SH2B1: variants seen among roughly 807,000 people sequenced by gnomAD.
SH2B1 encodes the protein SH2B adapter protein 1.
SH2B1 carries 15 observed loss-of-function variants against 62.6 expected under a neutral mutation model. That is an observed-to-expected ratio of 0.24 (90% CI 0.16 to 0.37). The LOEUF is 0.37. Among genes scored for constraint, SH2B1 ranks in the 10% least tolerant of loss-of-function variants. SH2B1 has a pLI of 1.00. For missense variants in SH2B1, 925 were observed against 1,015.6 expected (o/e 0.91, Z 1.21); for synonymous variants, 443 against 438.0 (o/e 1.01, Z -0.14).
Position 28,867,394 on chromosome 16 carries a change from C to T in SH2B1, c.1003C>T (p.Leu335=). The T allele has an allele frequency of 6.2e-7, 1 of 1,614,198 alleles. No homozygotes were observed. Among genetic ancestry groups the T allele is most frequent in the South Asian group, 1.1e-5 (1 of 91,088 alleles). ...CACAGACGTCCGGACAACCACAGCC[C>T]TGGAGATGCCTGACCGGGAGAACAC... ...SITDVRTTTA[L]EMPDRENTFV... is the part of the protein sequence containing the mutation. Residue 335 remains leucine (L), a synonymous_variant, in exon 2 of 8, where the codon CTG becomes TTG. Transcript: ENST00000684370.
chr16:28,847,439 C>T (rs908259673), intron 1 of SH2B1, among the ~76,000 whole-genome samples: 1 of 152,116 alleles, frequency 6.6e-6, no homozygotes, highest in Non-Finnish European at 1.5e-5. Context: ...CAAATAGATT[C>T]CCTAATTCCT....
chr16:28,852,458 A>T (rs1342244450), intron 1 of SH2B1, among the ~76,000 whole-genome samples: 1 of 95,258 alleles, frequency 1.0e-5, no homozygotes, highest in Non-Finnish European at 1.8e-5. Flanking sequence ...TTACATATAT[A>T]TTTATATATA....
At chr16:28,863,418 T>C (rs1212661403), upstream of SH2B1, 1 of 429,130 alleles carries the variant, frequency 2.3e-6, no homozygotes, top group East Asian at 4.2e-5. Context: ...AGCTCCTTGG[T>C]GGCGTTGTCC....
Position 28,873,399 on chromosome 16 carries a change from G to T in SH2B1, c.1898-48G>T, listed in dbSNP as rs1294548956. Reference sequence around the variant, plus strand: ...GAGTGAAGGGGAGGCCACGGCAGGAGCTCACCTGCCTCCACAATCAGTCTG... The same window carrying T: ...GAGTGAAGGGGAGGCCACGGCAGGATCTCACCTGCCTCCACAATCAGTCTG... On this transcript the variant is annotated intron_variant, in intron 7 of 7. Coordinates refer to ENST00000684370, the MANE Select transcript of SH2B1 (RefSeq NM_001387430.1). This position sits in a 1 kb window ranked among gnomAD's most constrained non-coding sequence, Gnocchi z 4.2. 6.3e-7 allele frequency: 1 copy of T among 1,580,288 alleles called. No homozygotes were observed. The highest frequency in any genetic ancestry group is 8.5e-7 in the Non-Finnish European group (1 of 1,173,246).
At position 28,873,708 on chromosome 16, in the gene SH2B1, G is replaced by A. The variant is rs1469204690; in HGVS notation, c.2159G>A (p.Gly720Asp). 1 of 1,505,844 alleles carries A rather than the reference G, an allele frequency of 6.6e-7. No individual in the cohort carries two copies. Among genetic ancestry groups the A allele is most frequent in the Non-Finnish European group, 8.9e-7 (1 of 1,125,330 alleles). The allele number at this position is 1,505,844 out of a possible 1,614,324, so 93.3% of individuals were successfully genotyped here. A position where few individuals can be genotyped will look rare whatever the true frequency, so the allele number is the denominator to read the frequency against. Reference sequence around the variant, plus strand: ...TCAGAGGCCCAGGGCGCTGGGTCTGGTGGGGACGCGGGGGTGCCCCCAATG... The same window carrying A: ...TCAGAGGCCCAGGGCGCTGGGTCTGATGGGGACGCGGGGGTGCCCCCAATG... ...PGSEAQGAGS[G>D]GDAGVPPMVQ... Residue 720 changes from glycine to aspartate, a missense_variant, in exon 8 of 8, where the codon GGT (glycine) becomes GAT (aspartate). By Grantham distance (94) the Gly-to-Asp change is moderately conservative. This residue lies in a region of SH2B1 where 185 missense variants were observed against 189.5 expected (regional missense o/e 0.98). Coordinates refer to ENST00000684370, the MANE Select transcript of SH2B1 (RefSeq NM_001387430.1). This position sits in a 1 kb window ranked among gnomAD's most constrained non-coding sequence, Gnocchi z 4.2.
rs1963196777 is a variant in SH2B1 at position 28,874,042 on chromosome 16, G to A, written c.*222G>A. ...ATTTGGGCTCCATGAGCTCCTTGAG[G>A]GGCTCTTCTGGTCAGCCCCACCCTG... On this transcript the variant is annotated 3_prime_UTR_variant, in exon 8 of 8. Transcript: ENST00000684370. 2 of 406,314 alleles carry A rather than the reference G, an allele frequency of 4.9e-6. No individual in the cohort carries two copies. Among genetic ancestry groups the A allele is most frequent in the South Asian group, 2.5e-4 (2 of 7,904 alleles). The allele number at this position is 406,314 out of a possible 1,614,324, so 25.2% of individuals were successfully genotyped here.
intron 1 of SH2B1, among the ~76,000 whole-genome samples, chr16:28,849,892 C>T (rs1962058819): frequency 2.0e-5 from 3 of 152,112 alleles, no homozygotes; most frequent in Admixed American, 2.0e-4. Context: ...CATTGTACTC[C>T]AGCCTGGGTG....
At chr16:28,853,136 TTATATAAATA>T (rs1340871461) in intron 1 of SH2B1, among the ~76,000 whole-genome samples, 3 of 130,824 alleles carry the variant, frequency 2.3e-5, no homozygotes, top group East Asian at 4.3e-4. Context: ...ATGTATACAT[TTATATAAATA>T]TATATAAATG....
chr16:28,859,413 G>A (rs1962388808), upstream of SH2B1, among the ~76,000 whole-genome samples: 1 of 152,156 alleles, frequency 6.6e-6, no homozygotes, highest in African/African-American at 2.4e-5. Context: ...GATGAAAGCT[G>A]AGCTCATCAG....
At chr16:28,868,592 T>C (rs1196854879) in intron 2 of SH2B1, among the ~76,000 whole-genome samples, 2 of 152,128 alleles carry the variant, frequency 1.3e-5, no homozygotes, top group Non-Finnish European at 2.9e-5. Context: ...CTCGAGTAGC[T>C]GGGACTACAG....
At position 28,863,982 on chromosome 16, in the gene SH2B1, T is replaced by C; in HGVS notation, c.-2113T>C. The C allele has an allele frequency of 7.0e-7, 1 of 1,420,232 alleles. No individual in the cohort carries two copies. Among genetic ancestry groups the C allele is most frequent in the South Asian group, 1.5e-5 (1 of 67,556 alleles). The allele number at this position is 1,420,232 out of a possible 1,614,324, so 88.0% of individuals were successfully genotyped here. A position where few individuals can be genotyped will look rare whatever the true frequency, so the allele number is the denominator to read the frequency against. Reference sequence around the variant, plus strand: ...ACCGGAACCCCCCTCTTCAAGTACCTTTTCCCTCTCCGCGACCCGGCCCTG... The same window carrying C: ...ACCGGAACCCCCCTCTTCAAGTACCCTTTCCCTCTCCGCGACCCGGCCCTG... On this transcript the variant is annotated 5_prime_UTR_variant, in exon 1 of 8. Transcript: ENST00000684370.
At chr16:28,853,851 T>A (rs570842985) in intron 1 of SH2B1, among the ~76,000 whole-genome samples, 5 of 150,598 alleles carry the variant, frequency 3.3e-5, no homozygotes, top group Admixed American at 1.3e-4. Flanking sequence ...ACAAAAAAAA[T>A]TAGCCGGGCG....
rs1962171544 is a variant in SH2B1 at position 28,852,646 on chromosome 16, T to TTATATATATACACATATATATTTA, written c.-301+5829_-301+5852dup. 2.3e-4 allele frequency among the ~76,000 whole-genome samples: 17 copies of TTATATATATACACATATATATTTA among 73,604 alleles called. 4 individuals carry two copies. The highest frequency in any genetic ancestry group is 4.2e-4 in the African/African-American group (5 of 11,792). 48.3% of individuals were successfully genotyped at this position (73,604 alleles called of 152,430 possible). A position where few individuals can be genotyped will look rare whatever the true frequency, so the allele number is the denominator to read the frequency against. ...TATTTATATATATACACATATATAT[T>TTATATATATACACATATATATTTA]TATATATATACACATATATATTTAT... On this transcript the variant is annotated intron_variant, in intron 1 of 10. Coordinates refer to the SH2B1 transcript ENST00000322610.
rs769890226 is a variant in SH2B1, at chr16:28,873,411, C to T, written c.1898-36C>T. 3 of 1,578,768 alleles carry T rather than the reference C, an allele frequency of 1.9e-6. No individual in the cohort carries two copies. The highest frequency in any genetic ancestry group is 1.9e-5 in the Admixed American group (1 of 51,880). On this transcript the variant is annotated intron_variant, in intron 7 of 7. Coordinates refer to ENST00000684370, the MANE Select transcript of SH2B1 (RefSeq NM_001387430.1). This position sits in a 1 kb window ranked among gnomAD's most constrained non-coding sequence, Gnocchi z 4.2. ...GGCCACGGCAGGAGCTCACCTGCCT[C>T]CACAATCAGTCTGTTTTCTTACCAT... is the stretch of plus-strand genomic sequence containing the variant.
intron 1 of SH2B1, among the ~76,000 whole-genome samples, chr16:28,853,027 TA>T (rs1325676494): frequency 1.0e-5 from 1 of 98,724 alleles, no homozygotes; most frequent in East Asian, 3.3e-4. Context: ...TATATGTACA[TA>T]TATATGTACA....
Position 28,865,909 on chromosome 16 carries a change from G to C in SH2B1, c.-186G>C. 1 of 1,399,482 alleles carries C rather than the reference G, an allele frequency of 7.1e-7. No homozygotes were observed. The highest frequency in any genetic ancestry group is 9.2e-7 in the Non-Finnish European group (1 of 1,082,382). The allele number at this position is 1,399,482 out of a possible 1,614,324, so 86.7% of individuals were successfully genotyped here. A position where few individuals can be genotyped will look rare whatever the true frequency, so the allele number is the denominator to read the frequency against. The stretch of plus-strand genomic sequence containing the variant: ...GGCTCCCTTCCCCATTGCTCTCTGC[G>C]GAGTCTGAAGTAGGGTCGGACGTCT... On this transcript the variant is annotated 5_prime_UTR_variant, in exon 1 of 8. Transcript: ENST00000684370.
chr16:28,873,684 C>T lies in SH2B1; in HGVS notation c.2135C>T (p.Ser712Leu), dbSNP rs1036338083. 4 of 1,520,110 alleles carry T rather than the reference C, an allele frequency of 2.6e-6. No homozygotes were observed. The African/African-American group carries it at 5.6e-5, about 21-fold the overall frequency. 94.2% of individuals were successfully genotyped at this position (1,520,110 alleles called of 1,614,324 possible). The change falls in exon 8 of 8, where the codon TCA becomes TTA. Residue 712 changes from serine (S) to leucine (L), a missense_variant. Around this residue, in one of 3 missense-constraint regions of SH2B1, gnomAD observed 185 missense variants for 189.5 expected, o/e 0.98. Transcript: ENST00000684370. This position sits in a 1 kb window ranked among gnomAD's most constrained non-coding sequence, Gnocchi z 4.2. ...TTGGAAGAGGCCATAGCCCCAGGCTCAGAGGCCCAGGGCGCTGGGTCTGGT... is the reference window on the plus strand; with the variant it reads ...TTGGAAGAGGCCATAGCCCCAGGCTTAGAGGCCCAGGGCGCTGGGTCTGGT... ...VELEEAIAPG[S>L]EAQGAGSGGD...
In SH2B1 at chr16:28,865,021, T is replaced by C; in HGVS notation, c.-1074T>C. The C allele has an allele frequency of 1.2e-6, 1 of 869,472 alleles. No individual in the cohort carries two copies. Among genetic ancestry groups the C allele is most frequent in the Non-Finnish European group, 1.4e-6 (1 of 724,286 alleles). 53.9% of individuals were successfully genotyped at this position (869,472 alleles called of 1,614,324 possible). On this transcript the variant is annotated 5_prime_UTR_variant, in exon 1 of 8. Transcript: ENST00000684370. ...AACATCGCTCATAAGGTGGCTGGAC[T>C]GGGTGCTCATAAGGTGGTTTGAGCC...
At chr16:28,850,085 G>A (rs1305127901) in intron 1 of SH2B1, among the ~76,000 whole-genome samples, 1 of 152,156 alleles carries the variant, frequency 6.6e-6, no homozygotes, top group Non-Finnish European at 1.5e-5. Context: ...ATTAGTGAAT[G>A]GCTCAGTCAG....
Sources: allele counts gnomAD v4.1 joint callset (sites outside exome capture counted in the v4.1 genomes callset), GRCh38; gene constraint gnomAD v4.1.1; regional missense constraint gnomAD v4.1.1; non-coding constraint Gnocchi (gnomAD v3.1); transcripts MANE v1.5; gene names NCBI Gene and HGNC (gene_info 2026-07-23, HGNC 2026-07-21).